GNA15: variants seen among roughly 807,000 people sequenced by gnomAD.
GNA15 encodes guanine nucleotide-binding protein subunit alpha-15.
Under a neutral mutation model 40.1 loss-of-function variants are expected in GNA15, and 23 were observed. That is an observed-to-expected ratio of 0.57 (90% CI 0.41 to 0.81). The LOEUF (loss-of-function observed/expected upper bound fraction) is 0.81. Ranked by LOEUF, GNA15 falls within the 40% of genes least tolerant of loss-of-function variation. The pLI, the probability that GNA15 is intolerant of heterozygous loss-of-function variation, is 0.00. For synonymous variants in GNA15, 226 were observed against 210.4 expected (o/e 1.07, Z -0.64); for missense variants, 522 against 515.8 (o/e 1.01, Z -0.12).
intron 2 of GNA15, 129 bp downstream of exon 2, chr19:3,148,904 G>A: frequency 2.2e-6 from 2 of 916,148 alleles, no homozygotes. Flanking sequence ...AGGCAGGGAA[G>A]GGTCCCCAGA....
rs1397723494 is a variant in GNA15, at chr19:3,136,637, C to T, written c.145+42C>T. The T allele has an allele frequency of 5.9e-6, 9 of 1,523,076 alleles. No individual in the cohort carries two copies. The highest frequency in any genetic ancestry group is 1.2e-5 in the South Asian group (1 of 82,660). The allele number at this position is 1,523,076 out of a possible 1,614,324, so 94.3% of individuals were successfully genotyped here. A position where few individuals can be genotyped will look rare whatever the true frequency, so the allele number is the denominator to read the frequency against. On this transcript the variant is annotated intron_variant, in intron 1 of 6. Coordinates refer to ENST00000262958, the MANE Select transcript of GNA15 (RefSeq NM_002068.4). This position sits in a 1 kb window ranked among gnomAD's most constrained non-coding sequence, Gnocchi z 4.9. The stretch of plus-strand genomic sequence containing the variant: ...TGGGCGGTGGGTGGTGGGCAGTGGG[C>T]GGTGGCCAGCCGGCAGGGGTGTCGG...
At position 3,151,801 on chromosome 19, in the gene GNA15, G is replaced by A. The variant is rs775021862; in HGVS notation, c.580G>A (p.Glu194Lys). The part of the protein sequence containing the change: ...RSRMPTTGIN[E>K]YCFSVQKTNL... ...CCGCATGCCCACCACTGGCATCAACGAGTACTGCTTCTCCGTGCAGAAAAC... is the reference window on the plus strand; with the variant it reads ...CCGCATGCCCACCACTGGCATCAACAAGTACTGCTTCTCCGTGCAGAAAAC... Residue 194 changes from glutamate (E) to lysine (K), a missense_variant, in exon 4 of 7, where the codon GAG becomes AAG. Physicochemically the swap from Glu to Lys is moderately conservative, Grantham distance 56. Coordinates refer to ENST00000262958, the MANE Select transcript of GNA15 (RefSeq NM_002068.4). This position sits in a 1 kb window ranked among gnomAD's most constrained non-coding sequence, Gnocchi z 5.0. 14 of 1,612,552 alleles carry A rather than the reference G, an allele frequency of 8.7e-6. No individual in the cohort carries two copies. Among genetic ancestry groups the A allele is most frequent in the Non-Finnish European group, 1.2e-5 (14 of 1,179,552 alleles).
rs867130891 is a variant in GNA15, at chr19:3,151,778, G to A, written c.557G>A (p.Arg186His). ...ACAGCTCAGGACGTGCTCCGCAGCCGCATGCCCACCACTGGCATCAACGAG... is the reference window on the plus strand; with the variant it reads ...ACAGCTCAGGACGTGCTCCGCAGCCACATGCCCACCACTGGCATCAACGAG... Reference protein sequence around the residue: ...VPTAQDVLRSRMPTTGINEYC... With the variant: ...VPTAQDVLRSHMPTTGINEYC... Residue 186 changes from arginine (R) to histidine (H), a missense_variant, in exon 4 of 7, where the codon CGC (arginine) becomes CAC (histidine). By Grantham distance (29) the Arg-to-His change is conservative (BLOSUM62 0). Coordinates refer to ENST00000262958, the MANE Select transcript of GNA15 (RefSeq NM_002068.4). This position sits in a 1 kb window ranked among gnomAD's most constrained non-coding sequence, Gnocchi z 5.0. The A allele has an allele frequency of 3.7e-6, 6 of 1,612,460 alleles. No homozygotes were observed. Among genetic ancestry groups the A allele is most frequent in the South Asian group, 1.1e-5 (1 of 91,012 alleles).
At position 3,155,758 on chromosome 19, in the gene GNA15, G is replaced by T. The variant is rs1914997207; in HGVS notation, c.615-65G>T. On this transcript the variant is annotated intron_variant, in intron 4 of 6. Coordinates refer to ENST00000262958, the MANE Select transcript of GNA15 (RefSeq NM_002068.4). The surrounding 1 kb of genome is among the most constrained non-coding windows in gnomAD (Gnocchi z 5.6). ...GATCTTGGCATATCCCAGACGTGAT[G>T]GGGGTTGGGGGTGTCACGGAGCAGG... 6.4e-7 allele frequency: 1 copy of T among 1,564,678 alleles called. No homozygotes were observed. Among genetic ancestry groups the T allele is most frequent in the Non-Finnish European group, 8.6e-7 (1 of 1,156,284 alleles).
chr19:3,136,443 A>G lies in GNA15; in HGVS notation c.-8A>G, dbSNP rs1300836505. 3.2e-6 allele frequency: 5 copies of G among 1,547,964 alleles called. No homozygotes were observed. The African/African-American group carries it at 4.1e-5, about 13-fold the overall frequency. ...ATGCCACCCGGTGCCGACTGAGGCCACCGCACCATGGCCCGCTCGCTGACC... is the reference window on the plus strand; with the variant it reads ...ATGCCACCCGGTGCCGACTGAGGCCGCCGCACCATGGCCCGCTCGCTGACC... On this transcript the variant is annotated 5_prime_UTR_variant, in exon 1 of 7. Coordinates refer to ENST00000262958, the MANE Select transcript of GNA15 (RefSeq NM_002068.4). The surrounding 1 kb of genome is among the most constrained non-coding windows in gnomAD (Gnocchi z 4.9).
At chr19:3,138,898 G>A (rs12979326) in intron 1 of GNA15, among the ~76,000 whole-genome samples, 40,150 of 143,058 alleles carry the variant, frequency 0.28, 5,728 homozygotes, top group Non-Finnish European at 0.32. Context: ...TTGGCCTCCC[G>A]AAGTGTTGGG....
At position 3,150,036 on chromosome 19, in the gene GNA15, G is replaced by A. The variant is rs970591076; in HGVS notation, c.331-95G>A. 9.5e-6 allele frequency: 10 copies of A among 1,052,578 alleles called. No individual in the cohort carries two copies. The African/African-American group carries it at 1.4e-4, about 15-fold the overall frequency. 65.2% of individuals were successfully genotyped at this position (1,052,578 alleles called of 1,614,324 possible). The stretch of plus-strand genomic sequence containing the variant: ...AAGGAGAGCAGTGGGAAGAGAGCGT[G>A]TTTCAGGGAGGGACGTGGGGGCTTG... On this transcript the variant is annotated intron_variant, in intron 2 of 6. Coordinates refer to ENST00000262958, the MANE Select transcript of GNA15 (RefSeq NM_002068.4).
intron 5 of GNA15, among the ~76,000 whole-genome samples, chr19:3,156,699 T>A (rs1039084962): frequency 6.6e-6 from 1 of 152,040 alleles, no homozygotes; most frequent in African/African-American, 2.4e-5. Context: ...GGTTTCACCA[T>A]GTTAGCCAGG....
chr19:3,138,308 T>C (rs957577346), intron 1 of GNA15, among the ~76,000 whole-genome samples: 2 of 152,188 alleles, frequency 1.3e-5, no homozygotes, highest in Non-Finnish European at 2.9e-5. Flanking sequence ...CGGGGTCTTC[T>C]CATTCCCGTA....
chr19:3,140,445 C>T (rs1342138002), intron 1 of GNA15, among the ~76,000 whole-genome samples: 3 of 152,112 alleles, frequency 2.0e-5, no homozygotes, highest in African/African-American at 7.2e-5. Context: ...TTATCCCTGA[C>T]CTTTGCCTGG....
intron 3 of GNA15, among the ~76,000 whole-genome samples, chr19:3,150,656 G>A (rs1163138973): frequency 1.3e-5 from 2 of 151,928 alleles, no homozygotes; most frequent in African/African-American, 2.4e-5. Flanking sequence ...GGGGTATCCT[G>A]TTCCTAGAGT....
chr19:3,136,835 G>C lies in GNA15; in HGVS notation c.145+240G>C, dbSNP rs1279306027. Among the ~76,000 whole-genome samples the C allele has an allele frequency of 1.3e-5, 2 of 152,258 alleles. No homozygotes were observed. Among genetic ancestry groups the C allele is most frequent in the African/African-American group, 4.8e-5 (2 of 41,476 alleles). ...GGCCAGGTGCCCAGGCCTGTCCACT[G>C]TGTGGGGCATATACAATAGCAGACG... On this transcript the variant is annotated intron_variant, in intron 1 of 6. Coordinates refer to ENST00000262958, the MANE Select transcript of GNA15 (RefSeq NM_002068.4). The surrounding 1 kb of genome is among the most constrained non-coding windows in gnomAD (Gnocchi z 4.9).
intron 1 of GNA15, among the ~76,000 whole-genome samples, chr19:3,137,981 T>C (rs550962926): frequency 6.6e-6 from 1 of 151,530 alleles, no homozygotes; most frequent in African/African-American, 2.4e-5. Flanking sequence ...TAAATATAAA[T>C]AAAATAAATA....
chr19:3,161,369 G>C (rs1279878268), intron 6 of GNA15, among the ~76,000 whole-genome samples: 3 of 152,198 alleles, frequency 2.0e-5, no homozygotes, highest in Admixed American at 2.0e-4. Flanking sequence ...CAATATACAA[G>C]CAACCATAGT....
intron 1 of GNA15, 136 bp from the exon 2 acceptor site, chr19:3,148,455 T>G: frequency 1.3e-6 from 1 of 781,250 alleles, no homozygotes; most frequent in Non-Finnish European, 2.0e-6. Context: ...CTAGGGTCAC[T>G]GAGTGAGGTC....
intron 1 of GNA15, among the ~76,000 whole-genome samples, chr19:3,147,887 CAA>C (rs369228868): frequency 4.0e-4 from 43 of 107,522 alleles, no homozygotes; most frequent in East Asian, 1.1e-3. Context: ...GACTCCATCT[CAA>C]AAAAAAAAAA....
At position 3,136,629 on chromosome 19, in the gene GNA15, G is replaced by T; in HGVS notation, c.145+34G>T. ...AGGGTCGGTGGGCGGTGGGTGGTGG[G>T]CAGTGGGCGGTGGCCAGCCGGCAGG... On this transcript the variant is annotated intron_variant, in intron 1 of 6. Transcript: ENST00000262958. The surrounding 1 kb of genome is among the most constrained non-coding windows in gnomAD (Gnocchi z 4.9). The T allele has an allele frequency of 6.7e-7, 1 of 1,501,612 alleles. No homozygotes were observed. Among genetic ancestry groups the T allele is most frequent in the Non-Finnish European group, 9.0e-7 (1 of 1,105,388 alleles). 93.0% of individuals were successfully genotyped at this position (1,501,612 alleles called of 1,614,324 possible). A position where few individuals can be genotyped will look rare whatever the true frequency, so the allele number is the denominator to read the frequency against.
intron 2 of GNA15, 98 bp downstream of exon 2, chr19:3,148,873 C>A: frequency 9.0e-7 from 1 of 1,110,274 alleles, no homozygotes; most frequent in Non-Finnish European, 1.3e-6. Context: ...GACTTCAGGG[C>A]AGGGCAGGGC....
At chr19:3,148,834 C>T in intron 2 of GNA15, 59 bp downstream of exon 2, 1 of 1,485,930 alleles carries the variant, frequency 6.7e-7, no homozygotes, top group Non-Finnish European at 9.0e-7. Context: ...CAGGGTTCCC[C>T]AGACCCCGGA....
Sources: allele counts gnomAD v4.1 joint callset (sites outside exome capture counted in the v4.1 genomes callset), GRCh38; gene constraint gnomAD v4.1.1; non-coding constraint Gnocchi (gnomAD v3.1); transcripts MANE v1.5; gene names NCBI Gene and HGNC (gene_info 2026-07-23, HGNC 2026-07-21).